Variants in ASIC2 observed in about 807,000 individuals in gnomAD.
ASIC2 encodes acid-sensing ion channel 2.
A neutral mutation model predicts 57.3 loss-of-function variants in ASIC2; 25 were observed. That is an observed-to-expected ratio of 0.44 (90% confidence interval 0.32 to 0.61). ASIC2 has a LOEUF of 0.61. Ranked by LOEUF, ASIC2 falls within the 20% of genes least tolerant of loss-of-function variation. ASIC2 has a pLI of 0.06. For synonymous variants in ASIC2, 319 were observed against 307.5 expected, an observed-to-expected ratio of 1.04 and a Z score of -0.39; for missense variants, 641 against 738.1, an observed-to-expected ratio of 0.87 and a Z score of 1.52.
intron 3 of ASIC2, among the ~76,000 whole-genome samples, chr17:33,065,653 C>CA (rs2092040516): frequency 6.6e-6 from 1 of 151,976 alleles, no homozygotes; most frequent in South Asian, 2.1e-4. Context: ...AACTTCCACT[C>CA]ACTCATCTAG....
intron 1 of ASIC2, among the ~76,000 whole-genome samples, chr17:34,153,290 G>A (rs541060921): frequency 7.9e-5 from 12 of 152,196 alleles, no homozygotes; most frequent in African/African-American, 2.4e-4. Context: ...GTCAGCCACC[G>A]CACTTAAAGA....
intron 1 of ASIC2, among the ~76,000 whole-genome samples, chr17:33,261,111 A>T (rs2142144801): frequency 6.6e-6 from 1 of 152,332 alleles, no homozygotes; most frequent in Admixed American, 6.5e-5. Context: ...TAGCAAATCC[A>T]TTTGCCACCC....
chr17:33,174,567 C>T (rs1297571573), intron 1 of ASIC2, among the ~76,000 whole-genome samples: 2 of 152,182 alleles, frequency 1.3e-5, no homozygotes, highest in Non-Finnish European at 2.9e-5. Context: ...CTCACATGCA[C>T]ATCTTAGTGG....
chr17:33,432,696 A>T (rs549649271), intron 1 of ASIC2, among the ~76,000 whole-genome samples: 1 of 152,298 alleles, frequency 6.6e-6, no homozygotes, highest in South Asian at 2.1e-4. Context: ...CTAACAGTAG[A>T]CTATTCCTAG....
chr17:33,292,377 T>G lies in ASIC2; in HGVS notation c.-262A>C. 1.0e-6 allele frequency: 1 copy of G among 985,568 alleles called. No individual in the cohort carries two copies. Among genetic ancestry groups the G allele is most frequent in the Non-Finnish European group, 1.2e-6 (1 of 830,388 alleles). 61.1% of individuals were successfully genotyped at this position (985,568 alleles called of 1,614,324 possible). On this transcript the variant is annotated 5_prime_UTR_variant, in exon 1 of 10. Transcript: ENST00000225823. The stretch of plus-strand genomic sequence containing the variant: ...GGCCTCTCCCGAGCGCCTCCCAGGC[T>G]TTCCCGGCCCCTGGTCTTCCTGGAG...
At chr17:33,111,779 T>A (rs2092259070) in intron 2 of ASIC2, 138 bp downstream of exon 2, 1 of 1,255,616 alleles carries the variant, frequency 8.0e-7, no homozygotes, top group South Asian at 1.7e-5. Context: ...GACATCTTTA[T>A]GATCTAGCAG....
rs1307813871 is a variant in ASIC2, at chr17:33,579,050, T to C, written c.556-466983A>G. On this transcript the variant is annotated intron_variant, in intron 1 of 9. Transcript: ENST00000359872. ...CCTGTAATCCCAGCACTTTGGGAGG[T>C]CGAAGCGGGTGGATCACTTGAGGTC... Among the ~76,000 whole-genome samples the C allele has an allele frequency of 2.6e-5, 4 of 151,618 alleles. No individual in the cohort carries two copies. In the East Asian group the frequency reaches 7.8e-4, roughly 29 times the overall value.
intron 1 of ASIC2, among the ~76,000 whole-genome samples, chr17:33,670,681 C>T (rs1449574933): frequency 3.3e-5 from 5 of 152,194 alleles, no homozygotes; most frequent in Non-Finnish European, 7.3e-5. Context: ...GAAATGGAAA[C>T]GTGAGCACAC....
chr17:33,811,920 T>C (rs1188765308), intron 1 of ASIC2, among the ~76,000 whole-genome samples: 1 of 152,216 alleles, frequency 6.6e-6, no homozygotes, highest in Non-Finnish European at 1.5e-5. Flanking sequence ...TTCATATTCA[T>C]TCTTCAAGAC....
chr17:33,233,514 TCACACACACACACACACACACACACACA>T (rs36203893), intron 1 of ASIC2, among the ~76,000 whole-genome samples: 8 of 147,094 alleles, frequency 5.4e-5, no homozygotes, highest in African/African-American at 2.0e-4. Context: ...AATTGGAAAT[TCACACACACACACACACACACACACACA>T]CACACACACA....
intron 3 of ASIC2, among the ~76,000 whole-genome samples, chr17:33,076,144 A>T (rs539851594): frequency 6.7e-5 from 10 of 149,318 alleles, no homozygotes; most frequent in African/African-American, 1.3e-4. Flanking sequence ...CAGGTAATTT[A>T]AAAAAAAAAT....
At chr17:33,805,185 C>T (rs976845637) in intron 1 of ASIC2, among the ~76,000 whole-genome samples, 3 of 152,146 alleles carry the variant, frequency 2.0e-5, no homozygotes, top group Non-Finnish European at 2.9e-5. Context: ...TCTTCCTCTT[C>T]GTCTAACTCT....
intron 1 of ASIC2, among the ~76,000 whole-genome samples, chr17:33,610,707 A>G (rs1326898551): frequency 2.0e-5 from 3 of 147,994 alleles, no homozygotes; most frequent in African/African-American, 5.3e-5. Flanking sequence ...TTCTGCAATA[A>G]ATAAATAAAA....
chr17:33,591,607 C>T (rs1415452516), intron 1 of ASIC2, among the ~76,000 whole-genome samples: 1 of 152,172 alleles, frequency 6.6e-6, no homozygotes. Context: ...CCCACCATTG[C>T]ACCTGTCTCC....
chr17:33,663,611 G>T (rs1021432269), intron 1 of ASIC2, among the ~76,000 whole-genome samples: 7 of 152,140 alleles, frequency 4.6e-5, no homozygotes, highest in Admixed American at 4.6e-4. Flanking sequence ...GTGCCTCGAG[G>T]TTCGTGGCAG....
At chr17:34,073,183 T>C (rs535440728) in intron 1 of ASIC2, among the ~76,000 whole-genome samples, 63 of 152,204 alleles carry the variant, frequency 4.1e-4, no homozygotes, top group Non-Finnish European at 8.2e-4. Flanking sequence ...GCACACTCTA[T>C]AGTCTCTGTT....
intron 1 of ASIC2, among the ~76,000 whole-genome samples, chr17:33,345,407 T>A (rs1204938877): frequency 6.6e-6 from 1 of 152,084 alleles, no homozygotes; most frequent in African/African-American, 2.4e-5. Context: ...AACAAATAAG[T>A]AAGAAAAATG....
chr17:33,437,992 A>G (rs745428208), intron 1 of ASIC2, among the ~76,000 whole-genome samples: 8 of 152,142 alleles, frequency 5.3e-5, no homozygotes, highest in Admixed American at 2.0e-4. Context: ...AATAAAATAT[A>G]ACTTGTCCCT....
chr17:33,360,969 A>C (rs1006355889), intron 1 of ASIC2, among the ~76,000 whole-genome samples: 5 of 152,170 alleles, frequency 3.3e-5, no homozygotes, highest in Non-Finnish European at 7.3e-5. Flanking sequence ...AAGAACAGTG[A>C]GCCTGCCCTG....
Sources: allele counts gnomAD v4.1 joint callset (sites outside exome capture counted in the v4.1 genomes callset), GRCh38; gene constraint gnomAD v4.1.1; transcripts MANE v1.5; gene names NCBI Gene and HGNC (gene_info 2026-07-23, HGNC 2026-07-21).